SYT7: variants seen among roughly 807,000 people sequenced by gnomAD.
The protein encoded by SYT7 is synaptotagmin 7.
A neutral mutation model predicts 75.1 loss-of-function variants in SYT7; 29 were observed. That is an observed-to-expected ratio of 0.39 (90% CI 0.29 to 0.53). SYT7 has a LOEUF of 0.53. SYT7 is among the 20% of genes least tolerant of loss of function. SYT7 has a pLI of 0.77. For synonymous variants in SYT7, 376 were observed against 401.7 expected (o/e 0.94, Z 0.76); for missense variants, 693 against 953.2 (o/e 0.73, Z 3.59).
At chr11:61,550,074 C>A (rs1005071919) in intron 3 of SYT7, among the ~76,000 whole-genome samples, 18 of 152,290 alleles carry the variant, frequency 1.2e-4, no homozygotes, top group Non-Finnish European at 2.5e-4. Context: ...CTGCACTCTG[C>A]AAGAGCCCCT....
chr11:61,574,692 C>T (rs760443917), intron 1 of SYT7, among the ~76,000 whole-genome samples: 2 of 151,926 alleles, frequency 1.3e-5, no homozygotes, highest in Non-Finnish European at 2.9e-5. Context: ...GGCACTTCCT[C>T]TGAGGGGTGC....
At chr11:61,529,529 C>T (rs756362690) in intron 8 of SYT7, among the ~76,000 whole-genome samples, 1 of 152,238 alleles carries the variant, frequency 6.6e-6, no homozygotes. Flanking sequence ...CCTGCTCTTT[C>T]CACTAAAGCA....
intron 6 of SYT7, among the ~76,000 whole-genome samples, chr11:61,541,492 T>C (rs1204299362): frequency 2.0e-5 from 3 of 152,060 alleles, no homozygotes; most frequent in African/African-American, 7.2e-5. Context: ...TAGACACTGA[T>C]GGTGTGTTGT....
chr11:61,535,854 G>A (rs2062854276), intron 7 of SYT7, among the ~76,000 whole-genome samples: 1 of 152,178 alleles, frequency 6.6e-6, no homozygotes, highest in South Asian at 2.1e-4. Context: ...GGGAAAGGTG[G>A]GGCTGGGGGC....
In SYT7 at chr11:61,516,022, T is replaced by G. The variant is rs2062139876; in HGVS notation, c.*2605A>C. 1.3e-5 allele frequency: 2 copies of G among 152,606 alleles called. No homozygotes were observed. The highest frequency in any genetic ancestry group is 4.8e-5 in the African/African-American group (2 of 41,418). 9.5% of individuals were successfully genotyped at this position (152,606 alleles called of 1,614,324 possible). A position where few individuals can be genotyped will look rare whatever the true frequency, so the allele number is the denominator to read the frequency against. On this transcript the variant is annotated 3_prime_UTR_variant, in exon 13 of 13. Transcript: ENST00000539008. This position sits in a 1 kb window ranked among gnomAD's most constrained non-coding sequence, Gnocchi z 4.6. ...CCCCTATGAGGTAGGTGAAGTATTA[T>G]TACCATCATTTTACAGATGGGGAAA...
chr11:61,531,208 GC>G (rs994409614), intron 8 of SYT7: 5 of 888,244 alleles, frequency 5.6e-6, no homozygotes, highest in Admixed American at 1.2e-4. Context: ...ATTAGACTCT[GC>G]CCTCCCACCT....
At chr11:61,585,096 G>A (rs1025883309), upstream of SYT7, among the ~76,000 whole-genome samples, 8 of 152,322 alleles carry the variant, frequency 5.3e-5, no homozygotes, top group Non-Finnish European at 1.0e-4. Flanking sequence ...CTGTCCCTCA[G>A]GAGCAGATGC....
At chr11:61,522,285 G>A (rs1407724060) in intron 12 of SYT7, among the ~76,000 whole-genome samples, 1 of 151,128 alleles carries the variant, frequency 6.6e-6, no homozygotes, top group Non-Finnish European at 1.5e-5. Context: ...TGCCTCCTGG[G>A]TACAAGGGAT....
chr11:61,587,797 G>A, the SYT7 span, among the ~76,000 whole-genome samples: 3 of 152,260 alleles, frequency 2.0e-5, no homozygotes, highest in Non-Finnish European at 4.4e-5. Context: ...CCGAGTATCC[G>A]GCCCGGGGCA....
rs1253826185 is a variant in SYT7, at chr11:61,547,311, G to T, written c.216-3C>A. 6.5e-7 allele frequency: 1 copy of T among 1,535,564 alleles called. No individual in the cohort carries two copies. The highest frequency in any genetic ancestry group is 8.7e-7 in the Non-Finnish European group (1 of 1,146,570). On this transcript the variant is annotated splice_polypyrimidine_tract_variant and splice_region_variant and intron_variant, in intron 3 of 12. Transcript: ENST00000539008. ...TCCAAAAGTCTCTGTCTAGATCACT[G>T]GAGGGGCAGAGAGAGAGGGGAGAAA...
rs766984293 is a variant in SYT7, at chr11:61,523,270, G to C, written c.1761C>G (p.Pro587=). ...KAMDIGGTSD[P]YVKVWLMYKD... The stretch of plus-strand genomic sequence containing the variant: ...TGTACATCAGCCATACCTTCACGTA[G>C]GGGTCTAGGGGAGGGAGTGGGGAAG... The change falls in exon 12 of 13, where the codon CCC becomes CCG. Residue 587 remains proline, a synonymous_variant. Coordinates refer to ENST00000539008, the MANE Select transcript of SYT7 (RefSeq NM_001365809.2). The surrounding 1 kb of genome is among the most constrained non-coding windows in gnomAD (Gnocchi z 5.0). 1.2e-6 allele frequency: 2 copies of C among 1,614,196 alleles called. No individual in the cohort carries two copies. The highest frequency in any genetic ancestry group is 3.3e-5 in the Admixed American group (2 of 60,022).
chr11:61,565,130 C>T (rs1161313467), intron 1 of SYT7, among the ~76,000 whole-genome samples: 1 of 152,174 alleles, frequency 6.6e-6, no homozygotes, highest in Non-Finnish European at 1.5e-5. Flanking sequence ...CACGTCAAGC[C>T]CCAGCACTTC....
In SYT7 at chr11:61,551,294, G is replaced by A. The variant is rs932016374; in HGVS notation, c.215+90C>T. ...GGTGTGGGGGAAGTGAAAGTGTGTG[G>A]TCAGGTCTGTGGGGCTGGGGGAGAG... On this transcript the variant is annotated intron_variant, in intron 3 of 12. Transcript: ENST00000539008. The surrounding 1 kb of genome is among the most constrained non-coding windows in gnomAD (Gnocchi z 5.3). 2.5e-6 allele frequency: 3 copies of A among 1,216,288 alleles called. No individual in the cohort carries two copies. The highest frequency in any genetic ancestry group is 1.5e-5 in the African/African-American group (1 of 67,330). The allele number at this position is 1,216,288 out of a possible 1,614,324, so 75.3% of individuals were successfully genotyped here. A position where few individuals can be genotyped will look rare whatever the true frequency, so the allele number is the denominator to read the frequency against.
At chr11:61,543,770 G>C (rs764955325) in intron 5 of SYT7, among the ~76,000 whole-genome samples, 1 of 152,244 alleles carries the variant, frequency 6.6e-6, no homozygotes. Context: ...TGCTTCATGC[G>C]CTGGCTGGAG....
intron 12 of SYT7, among the ~76,000 whole-genome samples, chr11:61,521,916 C>G (rs2062348646): frequency 6.6e-6 from 1 of 152,198 alleles, no homozygotes; most frequent in Admixed American, 6.5e-5. Flanking sequence ...TTACTTAATC[C>G]TCTCAGCACA....
chr11:61,515,448 G>T lies in SYT7; in HGVS notation c.*3179C>A, dbSNP rs569331705. 2.0e-5 allele frequency: 3 copies of T among 150,860 alleles called. No individual in the cohort carries two copies. The highest frequency in any genetic ancestry group is 4.2e-4 in the South Asian group (2 of 4,790). 9.3% of individuals were successfully genotyped at this position (150,860 alleles called of 1,614,324 possible). ...ATGTGTGGTGGAAAAATTTTGTATG[G>T]TTCTTTTTTTCCTGTTTTTTTTTTT... On this transcript the variant is annotated 3_prime_UTR_variant, in exon 13 of 13. Transcript: ENST00000539008.
chr11:61,550,695 C>T (rs907759477), intron 3 of SYT7, among the ~76,000 whole-genome samples: 1 of 152,072 alleles, frequency 6.6e-6, no homozygotes, highest in Non-Finnish European at 1.5e-5. Flanking sequence ...CTGAGTCCCC[C>T]GCCAGGTGGG....
Position 61,517,020 on chromosome 11 carries a change from C to T in SYT7, c.*1607G>A, listed in dbSNP as rs1356169012. On this transcript the variant is annotated 3_prime_UTR_variant, in exon 13 of 13. Transcript: ENST00000539008. ...ATGTGGGGACCCTATCCAGAGTCCC[C>T]TTCTTCTCTTTGGGGTGTCACAGGC... 2.7e-6 allele frequency: 1 copy of T among 375,850 alleles called. No individual in the cohort carries two copies. The highest frequency in any genetic ancestry group is 4.7e-6 in the Non-Finnish European group (1 of 212,134). The allele number at this position is 375,850 out of a possible 1,614,324, so 23.3% of individuals were successfully genotyped here.
chr11:61,531,386 C>T (rs1286205720), intron 8 of SYT7, among the ~76,000 whole-genome samples: 6 of 152,088 alleles, frequency 3.9e-5, no homozygotes, highest in African/African-American at 1.4e-4. Context: ...AATTAAGGGG[C>T]TGTGCAGGGA....
Sources: gnomAD v4.1 joint callset for allele counts (sites outside exome capture counted in the v4.1 genomes callset) on GRCh38, gnomAD v4.1.1 for gene constraint, Gnocchi (gnomAD v3.1) non-coding constraint, MANE v1.5 for transcripts, NCBI Gene and HGNC (gene_info 2026-07-23, HGNC 2026-07-21) for gene names.